The following ARHGAP18 variants were observed in gnomAD, a reference collection of about 807,000 sequenced individuals.
ARHGAP18 encodes Rho GTPase activating protein 18.
A neutral mutation model predicts 86.2 loss-of-function variants in ARHGAP18; 67 were observed. The observed-to-expected ratio is 0.78, with a 90% CI of 0.64 to 0.95. The LOEUF (loss-of-function observed/expected upper bound fraction) is 0.95, where lower values mean the gene tolerates loss of function less well. ARHGAP18 is among the 40% of genes least tolerant of loss of function. The pLI is 0.00. For synonymous variants in ARHGAP18, 283 were observed against 280.4 expected (o/e 1.01, Z -0.09); for missense variants, 691 against 780.4 (o/e 0.89, Z 1.37).
chr6:129,601,433 C>T (rs1788741119), intron 10 of ARHGAP18, among the ~76,000 whole-genome samples: 1 of 149,380 alleles, frequency 6.7e-6, no homozygotes, highest in African/African-American at 2.5e-5. Flanking sequence ...GAGTCTGAGT[C>T]CAGCCTAGGC....
At chr6:129,708,193 C>T (rs1431847284) in intron 1 of ARHGAP18, among the ~76,000 whole-genome samples, 3 of 152,154 alleles carry the variant, frequency 2.0e-5, no homozygotes, top group Non-Finnish European at 2.9e-5. Context: ...GCCCTCAAAC[C>T]AGGCTCCCAT....
chr6:129,639,955 G>A (rs1773412940), intron 2 of ARHGAP18, among the ~76,000 whole-genome samples: 1 of 142,936 alleles, frequency 7.0e-6, no homozygotes, highest in East Asian at 2.2e-4. Flanking sequence ...TGAGGCAAGA[G>A]AATCTCTTGA....
intron 4 of ARHGAP18, among the ~76,000 whole-genome samples, chr6:129,631,161 A>G (rs1261747015): frequency 6.6e-6 from 1 of 152,162 alleles, no homozygotes; most frequent in African/African-American, 2.4e-5. Context: ...CTATTCTAAG[A>G]GGAAAAAAAT....
intron 1 of ARHGAP18, among the ~76,000 whole-genome samples, chr6:129,653,063 C>T (rs1329220267): frequency 1.3e-5 from 2 of 152,074 alleles, no homozygotes; most frequent in Non-Finnish European, 2.9e-5. Flanking sequence ...ATGAAAGAGA[C>T]ATGGGCATTA....
chr6:129,633,916 G>A, intron 4 of ARHGAP18, 126 bp downstream of exon 4: 1 of 783,066 alleles, frequency 1.3e-6, no homozygotes, highest in Admixed American at 2.8e-5. Flanking sequence ...ATCCACTTGA[G>A]ACCTTACATT....
chr6:129,576,587 T>C lies in ARHGAP18; in HGVS notation c.*1926A>G, dbSNP rs1363379174. On this transcript the variant is annotated 3_prime_UTR_variant, in exon 15 of 15. Transcript: ENST00000368149. The stretch of plus-strand genomic sequence containing the variant: ...AAATAAAATGGCATTTTCACTTTTT[T>C]AAAATTAAGATACTTTTTCATGATC... 1 of 152,270 alleles carries C rather than the reference T, an allele frequency of 6.6e-6. No homozygotes were observed. The highest frequency in any genetic ancestry group is 6.5e-5 in the Admixed American group (1 of 15,290). 9.4% of individuals were successfully genotyped at this position (152,270 alleles called of 1,614,324 possible). A position where few individuals can be genotyped will look rare whatever the true frequency, so the allele number is the denominator to read the frequency against.
intron 4 of ARHGAP18, 21 bp downstream of exon 4, chr6:129,634,021 A>C (rs1252758352): frequency 1.3e-6 from 2 of 1,574,262 alleles, no homozygotes; most frequent in Non-Finnish European, 1.7e-6. Flanking sequence ...AAAAAAAAAC[A>C]AGAGAACAGG....
At chr6:129,693,535 C>G (rs368057181) in intron 1 of ARHGAP18, among the ~76,000 whole-genome samples, 18 of 152,338 alleles carry the variant, frequency 1.2e-4, no homozygotes, top group African/African-American at 3.6e-4. Context: ...GTGGCCCCCA[C>G]TACAGCCATG....
intron 1 of ARHGAP18, among the ~76,000 whole-genome samples, chr6:129,693,892 G>T (rs1584118289): frequency 6.8e-6 from 1 of 146,940 alleles, no homozygotes; most frequent in East Asian, 2.0e-4. Flanking sequence ...GATACAATTT[G>T]CCCCAGTTAT....
chr6:129,683,672 G>A (rs1332238943), intron 1 of ARHGAP18, among the ~76,000 whole-genome samples: 1 of 152,168 alleles, frequency 6.6e-6, no homozygotes, highest in East Asian at 1.9e-4. Context: ...ATAGAGGTTG[G>A]AGATGGCAAA....
rs141095000 is a variant in ARHGAP18 at position 129,642,042 on chromosome 6, G to A, written c.114-24C>T. The A allele has an allele frequency of 6.2e-6, 10 of 1,600,538 alleles. No homozygotes were observed. The East Asian group carries it at 2.2e-4, about 36-fold the overall frequency. On this transcript the variant is annotated intron_variant, in intron 1 of 14. Coordinates refer to ENST00000368149, the MANE Select transcript of ARHGAP18 (RefSeq NM_033515.3). ...GACTGTAAATTCAAAAGAACCCATGGTTTATTTTAGTACAAAAGGAAGCAG... is the reference window on the plus strand; with the variant it reads ...GACTGTAAATTCAAAAGAACCCATGATTTATTTTAGTACAAAAGGAAGCAG...
At position 129,605,942 on chromosome 6, in the gene ARHGAP18, G is replaced by T. The variant is rs770345629; in HGVS notation, c.1300C>A (p.Gln434Lys). ...AGAAGGTTCAAAGCCTGTAGTTGCT[G>T]CTTCTTGGTTGGAAGATCTGCAGAC... ...QAVQNLPTKK[Q>K]QLQALNLLVI... The change falls in exon 10 of 15, where the codon CAG becomes AAG. Residue 434 changes from glutamine to lysine, a missense_variant. Transcript: ENST00000368149. The T allele has an allele frequency of 6.2e-7, 1 of 1,613,498 alleles. No individual in the cohort carries two copies. Among genetic ancestry groups the T allele is most frequent in the South Asian group, 1.1e-5 (1 of 91,072 alleles).
At position 129,577,870 on chromosome 6, in the gene ARHGAP18, T is replaced by A. The variant is rs1372319218; in HGVS notation, c.*643A>T. ...GCTTCTGACAGTCCTATTTTCTTGG[T>A]CGCTGATACGGTTCTGTGAACATAA... is the stretch of plus-strand genomic sequence containing the variant. On this transcript the variant is annotated 3_prime_UTR_variant, in exon 15 of 15. Transcript: ENST00000368149. 6.6e-6 allele frequency: 1 copy of A among 152,174 alleles called. No homozygotes were observed. The allele number at this position is 152,174 out of a possible 1,614,324, so 9.4% of individuals were successfully genotyped here. A position where few individuals can be genotyped will look rare whatever the true frequency, so the allele number is the denominator to read the frequency against.
intron 3 of ARHGAP18, among the ~76,000 whole-genome samples, chr6:129,637,197 T>G (rs1356109269): frequency 3.3e-5 from 5 of 152,148 alleles, no homozygotes; most frequent in African/African-American, 1.2e-4. Flanking sequence ...CGCAAGTAGC[T>G]GGGTCTACAG....
chr6:129,658,618 C>T (rs1460921219), intron 1 of ARHGAP18, among the ~76,000 whole-genome samples: 1 of 152,106 alleles, frequency 6.6e-6, no homozygotes, highest in African/African-American at 2.4e-5. Context: ...TTTCTAATCC[C>T]CTAGGTCATG....
rs577070164 is a variant in ARHGAP18, at chr6:129,608,064, G to GAAAAAAAAAA, written c.1123-22_1123-13dup. 39 of 985,030 alleles carry GAAAAAAAAAA rather than the reference G, an allele frequency of 4.0e-5. No homozygotes were observed. The highest frequency in any genetic ancestry group is 4.6e-5 in the African/African-American group (2 of 43,332). The allele number at this position is 985,030 out of a possible 1,614,324, so 61.0% of individuals were successfully genotyped here. A position where few individuals can be genotyped will look rare whatever the true frequency, so the allele number is the denominator to read the frequency against. On this transcript the variant is annotated splice_polypyrimidine_tract_variant and intron_variant, in intron 8 of 14. Transcript: ENST00000368149. ...TCTTGGCAAAGATTCTGATAGGCAC[G>GAAAAAAAAAA]AAAAAAAAAAAAAAAAAAAAAAGAA...
rs367631564 is a variant in ARHGAP18, at chr6:129,576,700, C to G, written c.*1813G>C. 6.6e-6 allele frequency: 1 copy of G among 151,976 alleles called. No homozygotes were observed. Among genetic ancestry groups the G allele is most frequent in the Admixed American group, 6.6e-5 (1 of 15,242 alleles). 9.4% of individuals were successfully genotyped at this position (151,976 alleles called of 1,614,324 possible). ...TTAGTTGGCATATGCTTCAGACAAC[C>G]TTTTACTTAAATCATTATCCTCACT... On this transcript the variant is annotated 3_prime_UTR_variant, in exon 15 of 15. Coordinates refer to ENST00000368149, the MANE Select transcript of ARHGAP18 (RefSeq NM_033515.3).
Position 129,638,643 on chromosome 6 carries a change from G to C in ARHGAP18, c.317-14C>G. The C allele has an allele frequency of 6.2e-7, 1 of 1,600,828 alleles. No homozygotes were observed. Among genetic ancestry groups the C allele is most frequent in the Non-Finnish European group, 8.5e-7 (1 of 1,174,554 alleles). On this transcript the variant is annotated splice_polypyrimidine_tract_variant and intron_variant, in intron 2 of 14. Coordinates refer to ENST00000368149, the MANE Select transcript of ARHGAP18 (RefSeq NM_033515.3). ...CCAATTCTCCCTCTAAGACAGTAGA[G>C]AAAAGTGGTACTTAAATCACAAAAT...
chr6:129,690,124 C>CGTGTGTGTGT (rs142057840), intron 1 of ARHGAP18, among the ~76,000 whole-genome samples: 6 of 150,058 alleles, frequency 4.0e-5, no homozygotes, highest in Non-Finnish European at 8.9e-5. Flanking sequence ...CCCATGTAAA[C>CGTGTGTGTGT]GTGTGTGTGT....
Sources: allele counts gnomAD v4.1 joint callset (sites outside exome capture counted in the v4.1 genomes callset), GRCh38; gene constraint gnomAD v4.1.1; transcripts MANE v1.5; gene names NCBI Gene and HGNC (gene_info 2026-07-23, HGNC 2026-07-21).